The following FMNL1 variants were observed in gnomAD, a reference collection of about 807,000 sequenced individuals.
The protein encoded by FMNL1 is formin like 1.
A neutral mutation model predicts 121.3 loss-of-function variants in FMNL1; 43 were observed. That is an observed-to-expected ratio of 0.35 (90% CI 0.28 to 0.46). The LOEUF is 0.46. FMNL1 is among the 20% of genes least tolerant of loss of function. The pLI is 1.00. For synonymous variants in FMNL1, 613 were observed against 613.5 expected (o/e 1.00, Z 0.01); for missense variants, 1,191 against 1,482.4 (o/e 0.80, Z 3.23).
At chr17:45,244,736 A>G (rs2043789308) in intron 19 of FMNL1, 83 bp from the exon 20 acceptor site, 4 of 1,445,216 alleles carry the variant, frequency 2.8e-6, no homozygotes, top group East Asian at 2.3e-5. Flanking sequence ...GCTCCTTGCC[A>G]CCTCTTCTCC....
chr17:45,230,013 T>G (rs529022208), intron 1 of FMNL1, among the ~76,000 whole-genome samples: 207 of 152,288 alleles, frequency 1.4e-3, no homozygotes, highest in African/African-American at 4.8e-3. Context: ...AGCCTTCTCC[T>G]CCAAGTGGGA....
chr17:45,231,163 C>T lies in FMNL1; in HGVS notation c.213+476C>T, dbSNP rs1320622513. The stretch of plus-strand genomic sequence containing the variant: ...ACTCCCCAAGGCCAGCCACTTTGGA[C>T]CCCTGCTTTGGTGCTCCGTCCAGGT... On this transcript the variant is annotated intron_variant, in intron 2 of 26. Transcript: ENST00000331495. The surrounding 1 kb of genome is among the most constrained non-coding windows in gnomAD (Gnocchi z 4.7). Among the ~76,000 whole-genome samples the T allele has an allele frequency of 6.6e-6, 1 of 152,252 alleles. No individual in the cohort carries two copies. Among genetic ancestry groups the T allele is most frequent in the Non-Finnish European group, 1.5e-5 (1 of 68,038 alleles).
At chr17:45,225,115 G>A (rs892775147) in intron 1 of FMNL1, among the ~76,000 whole-genome samples, 2 of 152,244 alleles carry the variant, frequency 1.3e-5, no homozygotes, top group African/African-American at 4.8e-5. Flanking sequence ...AGGTGTCAGG[G>A]GTGGTGTACG....
chr17:45,234,017 C>T, intron 5 of FMNL1, 55 bp from the exon 6 acceptor site: 4 of 1,598,540 alleles, frequency 2.5e-6, no homozygotes, highest in Non-Finnish European at 3.4e-6. Flanking sequence ...CCTCTGCCCC[C>T]TCTTAAGTGG....
In FMNL1 at chr17:45,238,641, G is replaced by T; in HGVS notation, c.969+3G>T. ...AGGACAGCAACATCGACTTCATGGT[G>T]AGCTCAGGAGCCCAGCAGCCTGAGG... On this transcript the variant is annotated splice_donor_region_variant and intron_variant, in intron 10 of 26. Transcript: ENST00000331495. 1 of 1,614,136 alleles carries T rather than the reference G, an allele frequency of 6.2e-7. No individual in the cohort carries two copies. The highest frequency in any genetic ancestry group is 1.1e-5 in the South Asian group (1 of 91,082).
chr17:45,241,220 A>G lies in FMNL1; in HGVS notation c.1322A>G (p.Glu441Gly). Residue 441 changes from glutamate to glycine, a missense_variant, in exon 13 of 27, where the codon GAG (glutamate) becomes GGG (glycine). Glu to Gly is a moderately conservative substitution (Grantham distance 98). Transcript: ENST00000331495. The surrounding 1 kb of genome is among the most constrained non-coding windows in gnomAD (Gnocchi z 7.0). ...CTAAGCCAGGCGCGCAAGGAGTTGG[A>G]GACCCTGCGGGTGAGGCTGGGGCGG... ...KQLSQARKELETLRERFSEST... is the reference protein window; with the variant it reads ...KQLSQARKELGTLRERFSEST... 1 of 1,614,058 alleles carries G rather than the reference A, an allele frequency of 6.2e-7. No homozygotes were observed. The highest frequency in any genetic ancestry group is 8.5e-7 in the Non-Finnish European group (1 of 1,179,998).
intron 25 of FMNL1, 24 bp downstream of exon 25, chr17:45,246,354 T>C: frequency 1.2e-6 from 2 of 1,614,040 alleles, no homozygotes; most frequent in Non-Finnish European, 1.7e-6. Context: ...CAGGCCTTGG[T>C]CTTATCCTCA....
Position 45,231,271 on chromosome 17 carries a change from C to T in FMNL1, c.213+584C>T, listed in dbSNP as rs943880477. ...CGGCCATGGGCCGACCCTCTCCCAG[C>T]GCTGGGCTGGGTGGGGCTCGGCTGC... On this transcript the variant is annotated intron_variant, in intron 2 of 26. Coordinates refer to ENST00000331495, the MANE Select transcript of FMNL1 (RefSeq NM_005892.4). The surrounding 1 kb of genome is among the most constrained non-coding windows in gnomAD (Gnocchi z 4.7). Among the ~76,000 whole-genome samples, 16 of 152,202 alleles carry T rather than the reference C, an allele frequency of 1.1e-4. No homozygotes were observed. The highest frequency in any genetic ancestry group is 3.6e-4 in the African/African-American group (15 of 41,462).
At chr17:45,242,278 G>A in intron 15 of FMNL1, 63 bp from the exon 16 acceptor site, 1 of 1,593,590 alleles carries the variant, frequency 6.3e-7, no homozygotes, top group East Asian at 2.2e-5. Flanking sequence ...AGCCCTCCCT[G>A]GGCCCAGGTT....
In FMNL1 at chr17:45,233,834, G is replaced by C; in HGVS notation, c.485+103G>C. 1 of 1,479,592 alleles carries C rather than the reference G, an allele frequency of 6.8e-7. No individual in the cohort carries two copies. Among genetic ancestry groups the C allele is most frequent in the Non-Finnish European group, 9.2e-7 (1 of 1,090,154 alleles). 91.7% of individuals were successfully genotyped at this position (1,479,592 alleles called of 1,614,324 possible). The stretch of plus-strand genomic sequence containing the variant: ...TGGCCAGTTTCAAGCCAGGCAGCCC[G>C]AGCCTACCCTGGAACCCTCCACTTG... On this transcript the variant is annotated intron_variant, in intron 5 of 26. Transcript: ENST00000331495. The surrounding 1 kb of genome is among the most constrained non-coding windows in gnomAD (Gnocchi z 4.1).
At chr17:45,234,302 G>T (rs1185359649) in intron 6 of FMNL1, 102 bp downstream of exon 6, 1 of 1,587,866 alleles carries the variant, frequency 6.3e-7, no homozygotes, top group Non-Finnish European at 8.6e-7. Context: ...TGGCGAGAGG[G>T]GTAGCCATGC....
At chr17:45,224,524 AT>A in intron 1 of FMNL1, among the ~76,000 whole-genome samples, 1 of 152,130 alleles carries the variant, frequency 6.6e-6, no homozygotes, top group East Asian at 1.9e-4. Context: ...GCCCTCAGGG[AT>A]GTAGTCCAGC....
At chr17:45,226,269 G>A (rs1472638992) in intron 1 of FMNL1, among the ~76,000 whole-genome samples, 2 of 152,216 alleles carry the variant, frequency 1.3e-5, no homozygotes, top group African/African-American at 4.8e-5. Flanking sequence ...GTGTGCACAT[G>A]GGAGGGGGAG....
chr17:45,241,829 G>A lies in FMNL1; in HGVS notation c.1586-18G>A. 7.1e-7 allele frequency: 1 copy of A among 1,413,808 alleles called. No homozygotes were observed. The highest frequency in any genetic ancestry group is 9.2e-7 in the Non-Finnish European group (1 of 1,092,080). 87.6% of individuals were successfully genotyped at this position (1,413,808 alleles called of 1,614,324 possible). On this transcript the variant is annotated intron_variant, in intron 14 of 26. Coordinates refer to ENST00000331495, the MANE Select transcript of FMNL1 (RefSeq NM_005892.4). This position sits in a 1 kb window ranked among gnomAD's most constrained non-coding sequence, Gnocchi z 7.0. Reference sequence around the variant, plus strand: ...AGCTGACTCGCGCCTCCCCCACGCCGCGCCCTCGCTGGCTCAGATCTCGCA... The same window carrying A: ...AGCTGACTCGCGCCTCCCCCACGCCACGCCCTCGCTGGCTCAGATCTCGCA...
Position 45,241,967 on chromosome 17 carries a change from C to A in FMNL1, c.1706C>A (p.Pro569His). The change falls in exon 15 of 27, where the codon CCT becomes CAT. Residue 569 changes from proline to histidine, a missense_variant. Physicochemically the swap from Pro to His is moderately conservative, Grantham distance 77. Around this residue, in one of 4 missense-constraint regions of FMNL1, gnomAD observed 519 missense variants for 492.8 expected, o/e 1.05. Transcript: ENST00000331495. The surrounding 1 kb of genome is among the most constrained non-coding windows in gnomAD (Gnocchi z 7.0). The stretch of plus-strand genomic sequence containing the variant: ...GCGCCCCCACAGGCCCCGCCTCTCC[C>A]TGGCAGCCCGGAGCCCCCGCCTGCG... ...PSAPPQAPPL[P>H]GSPEPPPAPP... is the part of the protein sequence containing the mutation. The A allele has an allele frequency of 7.5e-7, 1 of 1,332,456 alleles. No individual in the cohort carries two copies. Among genetic ancestry groups the A allele is most frequent in the Non-Finnish European group, 9.6e-7 (1 of 1,044,738 alleles). 82.5% of individuals were successfully genotyped at this position (1,332,456 alleles called of 1,614,324 possible). A position where few individuals can be genotyped will look rare whatever the true frequency, so the allele number is the denominator to read the frequency against.
intron 1 of FMNL1, among the ~76,000 whole-genome samples, chr17:45,228,158 T>C (rs570216720): frequency 2.2e-4 from 34 of 152,246 alleles, no homozygotes; most frequent in Non-Finnish European, 4.7e-4. Context: ...ATGGCCCCTC[T>C]CCTACTCCCT....
intron 1 of FMNL1, among the ~76,000 whole-genome samples, chr17:45,229,072 G>GT (rs1375309725): frequency 6.6e-6 from 1 of 152,218 alleles, no homozygotes; most frequent in African/African-American, 2.4e-5. Flanking sequence ...TGCCCCTGTG[G>GT]TAGCAGGAGC....
chr17:45,245,801 G>A, intron 23 of FMNL1, 68 bp downstream of exon 23: 1 of 1,608,352 alleles, frequency 6.2e-7, no homozygotes. Flanking sequence ...GCAGCGGAGG[G>A]GTGGGGCTGC....
At chr17:45,226,319 G>C (rs1439738140) in intron 1 of FMNL1, among the ~76,000 whole-genome samples, 1 of 152,162 alleles carries the variant, frequency 6.6e-6, no homozygotes, top group Non-Finnish European at 1.5e-5. Context: ...GTGTGCTGGT[G>C]GGGGGGTTCC....
Sources: allele counts gnomAD v4.1 joint callset (sites outside exome capture counted in the v4.1 genomes callset), GRCh38; gene constraint gnomAD v4.1.1; regional missense constraint gnomAD v4.1.1; non-coding constraint Gnocchi (gnomAD v3.1); transcripts MANE v1.5; gene names NCBI Gene and HGNC (gene_info 2026-07-23, HGNC 2026-07-21).